Variants in DNAJC5 observed in about 807,000 individuals in gnomAD.
The protein encoded by DNAJC5 is dnaJ homolog subfamily C member 5.
A neutral mutation model predicts 23.2 loss-of-function variants in DNAJC5; 1 was observed. That is an observed-to-expected ratio of 0.04 (90% CI 0.02 to 0.20). The LOEUF is 0.20. Among genes scored for constraint, DNAJC5 ranks in the 10% least tolerant of loss-of-function variants. DNAJC5 has a pLI of 1.00. For missense variants in DNAJC5, 180 were observed against 267.0 expected, an observed-to-expected ratio of 0.67 and a Z score of 2.27; for synonymous variants, 136 against 120.0, an observed-to-expected ratio of 1.13 and a Z score of -0.87.
intron 1 of DNAJC5, among the ~76,000 whole-genome samples, chr20:63,915,124 C>T (rs1204015425): frequency 6.6e-6 from 1 of 152,134 alleles, no homozygotes; most frequent in Admixed American, 6.6e-5. Flanking sequence ...CTGGGTGGGC[C>T]TCAGGCAGAT....
chr20:63,918,802 G>A (rs1317493575), intron 1 of DNAJC5, among the ~76,000 whole-genome samples: 1 of 152,160 alleles, frequency 6.6e-6, no homozygotes, highest in Non-Finnish European at 1.5e-5. Context: ...CACTGTGTTA[G>A]CCAGGATGGT....
intron 1 of DNAJC5, among the ~76,000 whole-genome samples, chr20:63,898,913 C>T (rs1237377828): frequency 2.0e-5 from 3 of 152,166 alleles, no homozygotes; most frequent in Non-Finnish European, 4.4e-5. Context: ...AGAACGTTCT[C>T]GTGCCACAAA....
chr20:63,905,963 T>A (rs2053446097), intron 1 of DNAJC5, among the ~76,000 whole-genome samples: 1 of 151,924 alleles, frequency 6.6e-6, no homozygotes, highest in East Asian at 2.0e-4. Flanking sequence ...TTGAACTCAC[T>A]GACCTCAGGT....
chr20:63,896,833 T>C (rs1174161003), intron 1 of DNAJC5, among the ~76,000 whole-genome samples: 4 of 152,168 alleles, frequency 2.6e-5, no homozygotes, highest in African/African-American at 7.2e-5. Context: ...CCAGTAAATA[T>C]TTGTTCAGTG....
chr20:63,931,133 G>A lies in DNAJC5; in HGVS notation c.493+111G>A, dbSNP rs894788489. 2 of 1,187,706 alleles carry A rather than the reference G, an allele frequency of 1.7e-6. No homozygotes were observed. Among genetic ancestry groups the A allele is most frequent in the Admixed American group, 3.9e-5 (2 of 51,514 alleles). 73.6% of individuals were successfully genotyped at this position (1,187,706 alleles called of 1,614,324 possible). A position where few individuals can be genotyped will look rare whatever the true frequency, so the allele number is the denominator to read the frequency against. ...GGAGGGCACTGACACTGTGCCGCGA[G>A]TGTTTGTGGTGGCAGCTGGGACTGT... On this transcript the variant is annotated intron_variant, in intron 4 of 4. Coordinates refer to ENST00000360864, the MANE Select transcript of DNAJC5 (RefSeq NM_025219.3). This position sits in a 1 kb window ranked among gnomAD's most constrained non-coding sequence, Gnocchi z 9.6.
At chr20:63,896,189 T>G (rs551157704) in intron 1 of DNAJC5, among the ~76,000 whole-genome samples, 7 of 152,346 alleles carry the variant, frequency 4.6e-5, no homozygotes, top group African/African-American at 1.7e-4. Context: ...ACTATTGTCA[T>G]GGTTACCTGA....
intron 1 of DNAJC5, among the ~76,000 whole-genome samples, chr20:63,913,822 G>A (rs957407716): frequency 2.0e-5 from 3 of 152,132 alleles, no homozygotes; most frequent in East Asian, 1.9e-4. Flanking sequence ...CAGGGGATCC[G>A]CCCACCTTGG....
Position 63,934,742 on chromosome 20 carries a change from G to A in DNAJC5, c.*3174G>A, listed in dbSNP as rs1274607174. 2 of 152,256 alleles carry A rather than the reference G, an allele frequency of 1.3e-5. No individual in the cohort carries two copies. Among genetic ancestry groups the A allele is most frequent in the Non-Finnish European group, 2.9e-5 (2 of 68,050 alleles). The allele number at this position is 152,256 out of a possible 1,614,324, so 9.4% of individuals were successfully genotyped here. The stretch of plus-strand genomic sequence containing the variant: ...GGGGACCTACTAGAAAAAGGAACTG[G>A]CATGCACACGTGCCCAGCAGGAAAA... On this transcript the variant is annotated 3_prime_UTR_variant, in exon 5 of 5. Coordinates refer to ENST00000360864, the MANE Select transcript of DNAJC5 (RefSeq NM_025219.3).
chr20:63,935,717 T>C lies in DNAJC5; in HGVS notation c.*4149T>C, dbSNP rs2146315542. ...CTGCAGGCGGCACCTTTTGGTAGAG[T>C]TTGTTTCCCTGGAAAATGGGGAAAA... is the stretch of plus-strand genomic sequence containing the variant. On this transcript the variant is annotated 3_prime_UTR_variant, in exon 5 of 5. Coordinates refer to ENST00000360864, the MANE Select transcript of DNAJC5 (RefSeq NM_025219.3). 1 of 152,298 alleles carries C rather than the reference T, an allele frequency of 6.6e-6. No homozygotes were observed. Among genetic ancestry groups the C allele is most frequent in the African/African-American group, 2.4e-5 (1 of 41,552 alleles). 9.4% of individuals were successfully genotyped at this position (152,298 alleles called of 1,614,324 possible).
intron 1 of DNAJC5, among the ~76,000 whole-genome samples, chr20:63,927,541 C>A (rs1243821119): frequency 6.7e-6 from 1 of 148,822 alleles, no homozygotes; most frequent in South Asian, 2.1e-4. Flanking sequence ...ACTGTCCCCC[C>A]CCCCAAAAAA....
At chr20:63,930,082 A>G (rs1176470356) in intron 3 of DNAJC5, among the ~76,000 whole-genome samples, 1 of 152,228 alleles carries the variant, frequency 6.6e-6, no homozygotes, top group African/African-American at 2.4e-5. Context: ...AATGTCATAT[A>G]TGAGGCCAGA....
chr20:63,914,342 T>G (rs878974820), intron 1 of DNAJC5, among the ~76,000 whole-genome samples: 2 of 152,178 alleles, frequency 1.3e-5, no homozygotes, highest in East Asian at 3.8e-4. Context: ...TGAGACGGAG[T>G]CTTGCTCTGT....
intron 1 of DNAJC5, among the ~76,000 whole-genome samples, chr20:63,911,714 A>G (rs906987026): frequency 2.0e-5 from 3 of 151,958 alleles, no homozygotes; most frequent in Admixed American, 6.6e-5. Flanking sequence ...TGCTCTGTCA[A>G]TCAGGCTGGA....
At chr20:63,906,561 G>T (rs1484426354) in intron 1 of DNAJC5, among the ~76,000 whole-genome samples, 1 of 152,046 alleles carries the variant, frequency 6.6e-6, no homozygotes, top group Non-Finnish European at 1.5e-5. Flanking sequence ...GAGACGGGCA[G>T]ATCATGAGGT....
chr20:63,898,592 C>G (rs1424103762), intron 1 of DNAJC5, among the ~76,000 whole-genome samples: 1 of 152,028 alleles, frequency 6.6e-6, no homozygotes, highest in Admixed American at 6.6e-5. Context: ...ACCAGTAATC[C>G]CAGCACTTTG....
At chr20:63,895,670 G>T (rs1333279444) in intron 1 of DNAJC5, among the ~76,000 whole-genome samples, 2 of 151,984 alleles carry the variant, frequency 1.3e-5, no homozygotes, top group Non-Finnish European at 2.9e-5. Flanking sequence ...CAACCCCCCG[G>T]GGTCTCCTCT....
intron 1 of DNAJC5, among the ~76,000 whole-genome samples, chr20:63,904,437 G>A (rs889493401): frequency 1.3e-5 from 2 of 152,158 alleles, no homozygotes; most frequent in African/African-American, 4.8e-5. Flanking sequence ...CCTGGTGTGA[G>A]CACTGCTTAA....
intron 1 of DNAJC5, among the ~76,000 whole-genome samples, chr20:63,913,376 T>C (rs570164898): frequency 2.6e-5 from 4 of 151,992 alleles, no homozygotes; most frequent in African/African-American, 9.6e-5. Context: ...CCAGGGTTCC[T>C]AACAGCCTGT....
chr20:63,898,426 C>G (rs540731335), intron 1 of DNAJC5, among the ~76,000 whole-genome samples: 1 of 152,172 alleles, frequency 6.6e-6, no homozygotes, highest in African/African-American at 2.4e-5. Flanking sequence ...AAACAGACCC[C>G]TGGGTCCTCG....
Sources: allele counts gnomAD v4.1 joint callset (sites outside exome capture counted in the v4.1 genomes callset), GRCh38; gene constraint gnomAD v4.1.1; non-coding constraint Gnocchi (gnomAD v3.1); transcripts MANE v1.5; gene names NCBI Gene and HGNC (gene_info 2026-07-23, HGNC 2026-07-21).